SCN11A: variants seen among roughly 807,000 people sequenced by gnomAD.
SCN11A encodes sodium channel protein type 11 subunit alpha.
Under a neutral mutation model 162.2 loss-of-function variants are expected in SCN11A, and 122 were observed. The observed-to-expected ratio is 0.75, with a 90% CI of 0.65 to 0.87. The LOEUF (loss-of-function observed/expected upper bound fraction) is 0.87. SCN11A is among the 40% of genes least tolerant of loss of function. The pLI, the probability that SCN11A is intolerant of heterozygous loss-of-function variation, is 0.00. For synonymous variants in SCN11A, 758 were observed against 751.5 expected (o/e 1.01, Z -0.14); for missense variants, 2,015 against 2,181.6 (o/e 0.92, Z 1.52).
At position 38,846,736 on chromosome 3, in the gene SCN11A, C is replaced by A. The variant is rs4640498; in HGVS notation, c.5334G>T (p.Leu1778Phe). ...TGCCCTTGGCCACCCCAAAGCTAGA[C>A]AAGTCTCCATTGCAAAGAGTCTGGA... is the stretch of plus-strand genomic sequence containing the variant. ...SPLQTLCNGD[L>F]SSFGVAKGKV... Residue 1778 changes from leucine (L) to phenylalanine (F), a missense_variant, in exon 30 of 30, where the codon TTG becomes TTT. Transcript: ENST00000302328. 1 of 1,614,086 alleles carries A rather than the reference C, an allele frequency of 6.2e-7. No homozygotes were observed. Among genetic ancestry groups the A allele is most frequent in the Non-Finnish European group, 8.5e-7 (1 of 1,180,010 alleles).
At chr3:38,919,900 T>A (rs369543142) in intron 11 of SCN11A, 35 bp downstream of exon 11, 16 of 1,521,996 alleles carry the variant, frequency 1.1e-5, no homozygotes, top group Middle Eastern at 3.4e-4. Context: ...CTAGAGGTAC[T>A]CTTCTTGGGA....
At chr3:38,858,519 A>G (rs1294313338) in intron 28 of SCN11A, among the ~76,000 whole-genome samples, 1 of 152,132 alleles carries the variant, frequency 6.6e-6, no homozygotes. Flanking sequence ...AATTCATAAA[A>G]CAATCACTAT....
intron 7 of SCN11A, among the ~76,000 whole-genome samples, chr3:38,936,554 A>G (rs555363423): frequency 6.6e-6 from 1 of 151,528 alleles, no homozygotes; most frequent in South Asian, 2.1e-4. Context: ...TACAAAAATC[A>G]CAAGCATTCT....
In SCN11A at chr3:38,846,890, G is replaced by A. The variant is rs753952090; in HGVS notation, c.5180C>T (p.Thr1727Ile). Residue 1727 changes from threonine (T) to isoleucine (I), a missense_variant, in exon 30 of 30, where the codon ACC becomes ATC. Coordinates refer to ENST00000302328, the MANE Select transcript of SCN11A (RefSeq NM_001349253.2). ...LKKLYEPIVT[T>I]TKRKEEERGA... ...TCTTTCCTCTTCCTTTCTCTTGGTG[G>A]TGGTGACTATGGGTTCATACAACTT... 1.9e-6 allele frequency: 3 copies of A among 1,613,958 alleles called. No homozygotes were observed. The highest frequency in any genetic ancestry group is 1.3e-5 in the African/African-American group (1 of 74,880).
At chr3:38,908,244 T>C in intron 13 of SCN11A, 122 bp from the exon 14 acceptor site, 1 of 820,712 alleles carries the variant, frequency 1.2e-6, no homozygotes. Flanking sequence ...TTTAAATTGC[T>C]CATCATCTAC....
intron 2 of SCN11A, among the ~76,000 whole-genome samples, chr3:39,022,889 T>A (rs1031164283): frequency 4.8e-4 from 73 of 151,224 alleles, no homozygotes; most frequent in African/African-American, 1.3e-3. Flanking sequence ...AAAAAAAAAA[T>A]AAATAAATAA....
intron 2 of SCN11A, among the ~76,000 whole-genome samples, chr3:39,000,137 A>G (rs1479142091): frequency 1.3e-5 from 2 of 152,158 alleles, no homozygotes; most frequent in Non-Finnish European, 2.9e-5. Flanking sequence ...GTGACTTTAA[A>G]CTTCATTTCC....
intron 2 of SCN11A, among the ~76,000 whole-genome samples, chr3:38,989,034 A>G (rs1180678720): frequency 6.6e-6 from 1 of 152,194 alleles, no homozygotes; most frequent in African/African-American, 2.4e-5. Context: ...GACTGCTGCA[A>G]CCATTAGAGT....
At chr3:39,042,206 C>T (rs943146870) in intron 1 of SCN11A, among the ~76,000 whole-genome samples, 62 of 152,056 alleles carry the variant, frequency 4.1e-4, no homozygotes, top group African/African-American at 1.5e-3. Flanking sequence ...CAGGTAGAGG[C>T]TGCAGTGAGC....
chr3:38,847,115 G>C lies in SCN11A; in HGVS notation c.4955C>G (p.Ala1652Gly). The C allele has an allele frequency of 6.2e-7, 1 of 1,614,170 alleles. No individual in the cohort carries two copies. The highest frequency in any genetic ancestry group is 8.5e-7 in the Non-Finnish European group (1 of 1,180,038). The change falls in exon 30 of 30, where the codon GCC (alanine) becomes GGC (glycine). Residue 1652 changes from alanine to glycine, a missense_variant. Transcript: ENST00000302328. ...KYSALSDFAD[A>G]LPEPLRVAKP... ...TGCGACACGCAAAGGCTCAGGCAAG[G>C]CATCAGCAAAGTCAGAAAGGGCAGA...
At chr3:38,877,052 C>CTATATATATGG (rs1553634488) in intron 23 of SCN11A, among the ~76,000 whole-genome samples, 1 of 31,108 alleles carries the variant, frequency 3.2e-5, no homozygotes, top group Non-Finnish European at 6.7e-5. Flanking sequence ...GGTGTATATA[C>CTATATATATGG]TATATATATG....
chr3:38,866,306 C>T lies in SCN11A; in HGVS notation c.3951+1015G>A, dbSNP rs2065040442. ...CGATCTCGGCTTACTGCAACCTCTG[C>T]CTCCCAGGTTCAAGCAATTCTCCTG... On this transcript the variant is annotated intron_variant, in intron 27 of 29. Coordinates refer to ENST00000302328, the MANE Select transcript of SCN11A (RefSeq NM_001349253.2). 2.0e-5 allele frequency among the ~76,000 whole-genome samples: 3 copies of T among 151,888 alleles called. No individual in the cohort carries two copies. The South Asian group carries it at 6.2e-4, about 31-fold the overall frequency.
intron 7 of SCN11A, among the ~76,000 whole-genome samples, chr3:38,942,643 T>G (rs2066458683): frequency 6.6e-6 from 1 of 152,132 alleles, no homozygotes; most frequent in African/African-American, 2.4e-5. Context: ...AGGGAATATT[T>G]TGAACCAAAA....
intron 2 of SCN11A, among the ~76,000 whole-genome samples, chr3:38,971,343 G>C (rs1048237206): frequency 1.2e-4 from 18 of 152,044 alleles, no homozygotes; most frequent in African/African-American, 3.9e-4. Flanking sequence ...ATTTCTTCTG[G>C]ATGGTTGGAC....
chr3:39,027,839 C>A (rs1257028545), intron 2 of SCN11A, among the ~76,000 whole-genome samples: 1 of 152,198 alleles, frequency 6.6e-6, no homozygotes, highest in African/African-American at 2.4e-5. Flanking sequence ...AGCCCCAGCT[C>A]TGTGACCCAG....
intron 11 of SCN11A, among the ~76,000 whole-genome samples, chr3:38,916,287 G>T (rs930843075): frequency 1.3e-5 from 2 of 152,028 alleles, no homozygotes; most frequent in African/African-American, 4.8e-5. Flanking sequence ...TTTAAGTGGG[G>T]CATTTAGCCC....
At chr3:38,894,475 T>A (rs896319862) in intron 19 of SCN11A, 58 bp downstream of exon 19, 67 of 1,383,180 alleles carry the variant, frequency 4.8e-5, no homozygotes, top group Non-Finnish European at 5.3e-5. Context: ...AGGCTACCAG[T>A]GCCCTGTGAT....
intron 5 of SCN11A, among the ~76,000 whole-genome samples, chr3:38,948,394 A>G (rs1228491041): frequency 1.3e-5 from 2 of 152,204 alleles, no homozygotes; most frequent in Admixed American, 1.3e-4. Context: ...TTAATGATTA[A>G]AATGATAGGT....
At chr3:39,005,192 T>G (rs1305547627) in intron 2 of SCN11A, among the ~76,000 whole-genome samples, 1 of 152,228 alleles carries the variant, frequency 6.6e-6, no homozygotes, top group Non-Finnish European at 1.5e-5. Context: ...TTTTAACTAC[T>G]GGATTTAGGC....
Sources: gnomAD v4.1 joint callset for allele counts (sites outside exome capture counted in the v4.1 genomes callset) on GRCh38, gnomAD v4.1.1 for gene constraint, MANE v1.5 for transcripts, NCBI Gene and HGNC (gene_info 2026-07-23, HGNC 2026-07-21) for gene names.